JMJD1C: variants seen among roughly 807,000 people sequenced by gnomAD.
JMJD1C encodes the protein jumonji domain-containing protein 1C.
In JMJD1C, 31 loss-of-function variants were observed where a neutral mutation model predicts 245.3. The ratio of observed to expected loss-of-function variants is 0.13; its 90% confidence interval spans 0.09 to 0.17. The LOEUF is 0.17. JMJD1C is among the 10% of genes least tolerant of loss of function. JMJD1C has a pLI of 1.00. For missense variants in JMJD1C, 2,691 were observed against 3,000.2 expected, an observed-to-expected ratio of 0.90 and a Z score of 2.41; for synonymous variants, 1,057 against 1,017.4, an observed-to-expected ratio of 1.04 and a Z score of -0.74.
chr10:63,387,630 T>A lies in JMJD1C; in HGVS notation c.169-7148A>T, dbSNP rs10740120. Reference sequence around the variant, plus strand: ...GTCAGAAGAAAAAAGAAAAAAAAAATTTTTTTTTTTTTTTTTTTTTTTTGA... The same window carrying A: ...GTCAGAAGAAAAAAGAAAAAAAAAAATTTTTTTTTTTTTTTTTTTTTTTGA... On this transcript the variant is annotated intron_variant, in intron 1 of 25. Transcript: ENST00000399262. Among the ~76,000 whole-genome samples, 6 of 2,330 alleles carry A rather than the reference T, an allele frequency of 2.6e-3. 1 individual carries two copies. Among genetic ancestry groups the A allele is most frequent in the Non-Finnish European group, 0.015 (4 of 262 alleles). The allele number at this position is 2,330 out of a possible 152,430, so 1.5% of individuals were successfully genotyped here. A position where few individuals can be genotyped will look rare whatever the true frequency, so the allele number is the denominator to read the frequency against.
chr10:63,358,467 G>A (rs920600793), intron 2 of JMJD1C, among the ~76,000 whole-genome samples: 2 of 151,894 alleles, frequency 1.3e-5, no homozygotes, highest in Admixed American at 6.6e-5. Context: ...CAAGGCAGAG[G>A]CCAGGAGTTC....
chr10:63,432,464 C>A (rs1317279513), intron 1 of JMJD1C, among the ~76,000 whole-genome samples: 1 of 152,066 alleles, frequency 6.6e-6, no homozygotes, highest in East Asian at 1.9e-4. Context: ...CACTATGAGC[C>A]TTCTTGCCCT....
Position 63,220,498 on chromosome 10 carries a change from G to C in JMJD1C, c.448-515C>G, listed in dbSNP as rs978688349. Among the ~76,000 whole-genome samples, 3 of 152,218 alleles carry C rather than the reference G, an allele frequency of 2.0e-5. No homozygotes were observed. In the South Asian group the frequency reaches 6.2e-4, roughly 32 times the overall value. The stretch of plus-strand genomic sequence containing the variant: ...TCACAGTCATCTGACCAGTAATTTT[G>C]CTGCTAAAAATTTTATTTCTTGAAA... On this transcript the variant is annotated intron_variant, in intron 3 of 25. Coordinates refer to ENST00000399262, the MANE Select transcript of JMJD1C (RefSeq NM_032776.3).
intron 2 of JMJD1C, among the ~76,000 whole-genome samples, chr10:63,272,568 G>A (rs977108377): frequency 3.9e-5 from 6 of 152,238 alleles, no homozygotes; most frequent in Non-Finnish European, 2.9e-5. Flanking sequence ...ACTTTAGAAC[G>A]AAGTGTTTTT....
chr10:63,179,365 C>A (rs770528351), intron 22 of JMJD1C, among the ~76,000 whole-genome samples: 65 of 151,034 alleles, frequency 4.3e-4, no homozygotes, highest in African/African-American at 1.5e-3. Context: ...GCCAAGATCA[C>A]GCCATTGCAC....
chr10:63,231,849 T>A (rs1007792784), intron 3 of JMJD1C, among the ~76,000 whole-genome samples: 1 of 152,186 alleles, frequency 6.6e-6, no homozygotes, highest in Non-Finnish European at 1.5e-5. Flanking sequence ...TACTCTTTTT[T>A]TCCTCTAGAC....
intron 10 of JMJD1C, among the ~76,000 whole-genome samples, chr10:63,201,542 A>T (rs1846003575): frequency 6.6e-6 from 1 of 152,238 alleles, no homozygotes; most frequent in African/African-American, 2.4e-5. Flanking sequence ...TGGCTCAAGA[A>T]ATCCGTCATC....
At chr10:63,354,046 G>A (rs1254662931) in intron 2 of JMJD1C, among the ~76,000 whole-genome samples, 2 of 152,034 alleles carry the variant, frequency 1.3e-5, no homozygotes, top group Admixed American at 1.3e-4. Flanking sequence ...TCACCATGTT[G>A]GCCAGGATGG....
intron 10 of JMJD1C, chr10:63,203,737 A>C (rs1231778403): frequency 4.1e-6 from 4 of 978,450 alleles, no homozygotes; most frequent in Non-Finnish European, 4.9e-6. Context: ...AAAATCTATT[A>C]TATCTAGCTT....
At chr10:63,484,236 G>GGATGGATGGATGGATGGATAGATA (rs1416097314) in intron 1 of JMJD1C, among the ~76,000 whole-genome samples, 13 of 92,750 alleles carry the variant, frequency 1.4e-4, no homozygotes, top group African/African-American at 4.1e-4. Context: ...ATGGATGGAT[G>GGATGGATGGATGGATGGATAGATA]GATAGATAGA....
chr10:63,438,410 C>T (rs1014341453), intron 1 of JMJD1C, among the ~76,000 whole-genome samples: 28 of 152,174 alleles, frequency 1.8e-4, no homozygotes, highest in Non-Finnish European at 3.7e-4. Context: ...AATGCTACCA[C>T]AGAATCGTTA....
chr10:63,456,338 T>TA (rs1007872783), intron 1 of JMJD1C, among the ~76,000 whole-genome samples: 3 of 152,168 alleles, frequency 2.0e-5, no homozygotes, highest in African/African-American at 7.2e-5. Context: ...CACATTGGAA[T>TA]AGTTCATCAA....
intron 2 of JMJD1C, among the ~76,000 whole-genome samples, chr10:63,297,750 T>C (rs1414240921): frequency 2.0e-5 from 3 of 152,050 alleles, no homozygotes; most frequent in Non-Finnish European, 4.4e-5. Flanking sequence ...GCCCAGGAGT[T>C]GCCAGCTGGA....
rs373671324 is a variant in JMJD1C, at chr10:63,296,013, ATTT to A, written c.334-31252_334-31250del. 3.6e-5 allele frequency among the ~76,000 whole-genome samples: 3 copies of A among 84,278 alleles called. No individual in the cohort carries two copies. The Admixed American group carries it at 3.9e-4, about 11-fold the overall frequency. The allele number at this position is 84,278 out of a possible 152,430, so 55.3% of individuals were successfully genotyped here. ...TGTGTGTGTGTGTGTGTATATATAT[ATTT>A]TTTTTTTTTTCTTAGATGGAGTTTC... is the stretch of plus-strand genomic sequence containing the variant. On this transcript the variant is annotated intron_variant, in intron 2 of 25. Transcript: ENST00000399262.
intron 2 of JMJD1C, among the ~76,000 whole-genome samples, chr10:63,286,892 A>G (rs1185237180): frequency 6.6e-6 from 1 of 152,208 alleles, no homozygotes; most frequent in Admixed American, 6.5e-5. Context: ...CTTAAAAAAG[A>G]TGAAGATTCA....
intron 10 of JMJD1C, chr10:63,204,146 A>T (rs768226568): frequency 1.3e-5 from 13 of 982,814 alleles, no homozygotes; most frequent in Non-Finnish European, 1.4e-5. Context: ...AAGAAAAAAA[A>T]AACTTTTCTA....
chr10:63,397,464 C>T (rs1361748280), intron 1 of JMJD1C, among the ~76,000 whole-genome samples: 5 of 152,108 alleles, frequency 3.3e-5, no homozygotes, highest in African/African-American at 9.7e-5. Flanking sequence ...CTGTCTGCCT[C>T]GGCCTCCCAA....
In JMJD1C at chr10:63,193,403, C is replaced by T. The variant is rs776915445; in HGVS notation, c.5804G>A (p.Cys1935Tyr). ...EKYGIKSHCH[C>Y]TNKQNLQVGN... ...AACTTGTAAATTCTGTTTGTTAGTA[C>T]AATGACAATGGGATTTAATACCATA... The change falls in exon 15 of 26, where the codon TGT (cysteine) becomes TAT (tyrosine). Residue 1935 changes from cysteine to tyrosine, a missense_variant. By Grantham distance (194) the Cys-to-Tyr change is radical. Transcript: ENST00000399262. The T allele has an allele frequency of 1.9e-6, 3 of 1,602,126 alleles. No individual in the cohort carries two copies. The highest frequency in any genetic ancestry group is 4.5e-5 in the East Asian group (2 of 44,704).
At chr10:63,519,149 C>T (rs904496323) in intron 1 of JMJD1C, among the ~76,000 whole-genome samples, 1 of 152,136 alleles carries the variant, frequency 6.6e-6, no homozygotes, top group African/African-American at 2.4e-5. Context: ...AGAAAGAAAG[C>T]AGCAAAAAGT....
Sources: allele counts gnomAD v4.1 joint callset (sites outside exome capture counted in the v4.1 genomes callset), GRCh38; gene constraint gnomAD v4.1.1; transcripts MANE v1.5; gene names NCBI Gene and HGNC (gene_info 2026-07-23, HGNC 2026-07-21).